Variants in SYK observed in about 807,000 individuals in gnomAD.
SYK encodes tyrosine-protein kinase SYK.
Under a neutral mutation model 77.8 loss-of-function variants are expected in SYK, and 16 were observed. That is an observed-to-expected ratio of 0.21 (90% CI 0.14 to 0.31). SYK has a LOEUF of 0.31. SYK is among the 10% of genes least tolerant of loss of function. The probability of loss-of-function intolerance (pLI) is 1.00; values close to 1 mark genes in which losing one functional copy is unlikely to be tolerated. For synonymous variants in SYK, 312 were observed against 308.7 expected (o/e 1.01, Z -0.11); for missense variants, 529 against 814.4 (o/e 0.65, Z 4.26).
At chr9:90,861,470 G>A (rs896989311) in intron 3 of SYK, among the ~76,000 whole-genome samples, 2 of 152,090 alleles carry the variant, frequency 1.3e-5, no homozygotes, top group African/African-American at 4.8e-5. Flanking sequence ...ATCATCATTT[G>A]AAACTGTTTG....
chr9:90,843,473 T>C (rs1369035902), intron 1 of SYK, among the ~76,000 whole-genome samples: 1 of 152,198 alleles, frequency 6.6e-6, no homozygotes, highest in African/African-American at 2.4e-5. Flanking sequence ...TTTGTTCTCA[T>C]GTAGATTCTG....
At chr9:90,891,295 G>A (rs1418685791) in intron 13 of SYK, among the ~76,000 whole-genome samples, 2 of 151,910 alleles carry the variant, frequency 1.3e-5, no homozygotes, top group Non-Finnish European at 2.9e-5. Flanking sequence ...ACAGGCGCCC[G>A]CCACCACGCC....
chr9:90,864,779 G>T, intron 5 of SYK, 112 bp downstream of exon 5: 2 of 916,028 alleles, frequency 2.2e-6, no homozygotes, highest in South Asian at 2.9e-5. Context: ...CTTTTTACGG[G>T]TTGATTAATA....
At chr9:90,893,316 C>G (rs752901123) in intron 13 of SYK, among the ~76,000 whole-genome samples, 1 of 152,172 alleles carries the variant, frequency 6.6e-6, no homozygotes, top group African/African-American at 2.4e-5. Context: ...AGCACAGAAG[C>G]ACATTGGAGC....
At chr9:90,862,444 T>G (rs1587879050) in intron 4 of SYK, 100 bp downstream of exon 4, 4 of 1,394,182 alleles carry the variant, frequency 2.9e-6, no homozygotes, top group Non-Finnish European at 3.8e-6. Context: ...GACCACCCAC[T>G]GCCCACAGTG....
At position 90,884,518 on chromosome 9, in the gene SYK, CAT is replaced by C. The variant is rs1406295113; in HGVS notation, c.1582-3229_1582-3228del. ...ATATGTGTACATGTACATACATACA[CAT>C]ACACATATGTGTACATGTACATACA... is the stretch of plus-strand genomic sequence containing the variant. On this transcript the variant is annotated intron_variant, in intron 11 of 13. Coordinates refer to ENST00000375754, the MANE Select transcript of SYK (RefSeq NM_003177.7). 3.9e-3 allele frequency among the ~76,000 whole-genome samples: 333 copies of C among 84,714 alleles called. 155 individuals carry two copies. The highest frequency in any genetic ancestry group is 0.012 in the African/African-American group (320 of 26,450). The allele number at this position is 84,714 out of a possible 152,430, so 55.6% of individuals were successfully genotyped here. A position where few individuals can be genotyped will look rare whatever the true frequency, so the allele number is the denominator to read the frequency against.
At chr9:90,830,739 C>T (rs1265051177) in intron 1 of SYK, among the ~76,000 whole-genome samples, 4 of 152,114 alleles carry the variant, frequency 2.6e-5, no homozygotes, top group African/African-American at 9.7e-5. Flanking sequence ...GCGCCCACCA[C>T]CACGCCTGGC....
chr9:90,878,904 G>A lies in SYK; in HGVS notation c.1532G>A (p.Ser511Asn). Residue 511 changes from serine (S) to asparagine (N), a missense_variant, in exon 11 of 14, where the codon AGT (serine) becomes AAT (asparagine). Physicochemically the swap from Ser to Asn is conservative, Grantham distance 46 (BLOSUM62 1). Transcript: ENST00000375754. ...LLVTQHYAKI[S>N]DFGLSKALRA... ...GTTACCCAACATTACGCCAAGATCAGTGATTTCGGACTTTCCAAAGCACTG... is the reference window on the plus strand; with the variant it reads ...GTTACCCAACATTACGCCAAGATCAATGATTTCGGACTTTCCAAAGCACTG... The A allele has an allele frequency of 6.2e-7, 1 of 1,614,192 alleles. No individual in the cohort carries two copies. The highest frequency in any genetic ancestry group is 8.5e-7 in the Non-Finnish European group (1 of 1,180,004).
At chr9:90,829,773 GT>G (rs1825813037) in intron 1 of SYK, among the ~76,000 whole-genome samples, 2 of 152,198 alleles carry the variant, frequency 1.3e-5, no homozygotes, top group East Asian at 3.8e-4. Context: ...TGGGCTGGTT[GT>G]TTATTTATAA....
chr9:90,878,064 A>C (rs529108829), intron 10 of SYK, among the ~76,000 whole-genome samples: 7 of 152,318 alleles, frequency 4.6e-5, no homozygotes, highest in East Asian at 3.9e-4. Context: ...TCAGCCTCAG[A>C]ATATCTTGAC....
chr9:90,867,132 CT>C lies in SYK; in HGVS notation c.850del (p.Trp284GlyfsTer6). ...RPQLPGSHPA[T>X]WSAGGIISRI... ...CCTCTTTGCCGTTGTGGTTTCTAGA[CT>C]TGGTCAGCGGGTGGAATAATCTCAA... is the stretch of plus-strand genomic sequence containing the variant. On this transcript the variant is annotated frameshift_variant and splice_region_variant, in exon 7 of 14. Coordinates refer to ENST00000375754, the MANE Select transcript of SYK (RefSeq NM_003177.7). LOFTEE classifies it high-confidence loss of function. The C allele has an allele frequency of 6.2e-7, 1 of 1,614,136 alleles. No homozygotes were observed. Among genetic ancestry groups the C allele is most frequent in the Non-Finnish European group, 8.5e-7 (1 of 1,180,016 alleles).
rs568227782 is a variant in SYK, at chr9:90,895,443, G to C, written c.1836-85G>C. On this transcript the variant is annotated intron_variant, in intron 13 of 13. Coordinates refer to ENST00000375754, the MANE Select transcript of SYK (RefSeq NM_003177.7). This position sits in a 1 kb window ranked among gnomAD's most constrained non-coding sequence, Gnocchi z 4.4. ...TAGCCACCAGGGAGCAGCACCACTG[G>C]TACTCAGCCTGCAGAGGCCCTGCTT... is the stretch of plus-strand genomic sequence containing the variant. The C allele has an allele frequency of 7.1e-7, 1 of 1,418,048 alleles. No individual in the cohort carries two copies. The highest frequency in any genetic ancestry group is 9.9e-7 in the Non-Finnish European group (1 of 1,011,324). 87.8% of individuals were successfully genotyped at this position (1,418,048 alleles called of 1,614,324 possible). A position where few individuals can be genotyped will look rare whatever the true frequency, so the allele number is the denominator to read the frequency against.
rs1428127083 is a variant in SYK, at chr9:90,884,850, C to T, written c.1582-2899C>T. On this transcript the variant is annotated intron_variant, in intron 11 of 13. Coordinates refer to ENST00000375754, the MANE Select transcript of SYK (RefSeq NM_003177.7). ...ATATGTGTGTATATACATATACACA[C>T]ATATGTGTGTATATACATATATACA... is the stretch of plus-strand genomic sequence containing the variant. 5.2e-5 allele frequency among the ~76,000 whole-genome samples: 4 copies of T among 76,802 alleles called. 1 individual carries two copies. The highest frequency in any genetic ancestry group is 5.1e-4 in the Admixed American group (4 of 7,838). 50.4% of individuals were successfully genotyped at this position (76,802 alleles called of 152,430 possible).
At position 90,897,930 on chromosome 9, in the gene SYK, A is replaced by G; in HGVS notation, c.*2330A>G. On this transcript the variant is annotated 3_prime_UTR_variant, in exon 14 of 14. Transcript: ENST00000375754. ...CAAGGAGGGCAAATAGAGAAAGGTAACCTAATTGAAGGATTGGTCATGTGA... is the reference window on the plus strand; with the variant it reads ...CAAGGAGGGCAAATAGAGAAAGGTAGCCTAATTGAAGGATTGGTCATGTGA... The G allele has an allele frequency of 4.4e-6, 1 of 227,648 alleles. No homozygotes were observed. Among genetic ancestry groups the G allele is most frequent in the Non-Finnish European group, 8.7e-6 (1 of 114,550 alleles). 14.1% of individuals were successfully genotyped at this position (227,648 alleles called of 1,614,324 possible). A position where few individuals can be genotyped will look rare whatever the true frequency, so the allele number is the denominator to read the frequency against.
chr9:90,817,066 T>C (rs2118364479), intron 1 of SYK, among the ~76,000 whole-genome samples: 1 of 152,272 alleles, frequency 6.6e-6, no homozygotes, highest in Middle Eastern at 3.4e-3. Context: ...AGTTTTTTGT[T>C]TTGTTTTGTT....
intron 1 of SYK, among the ~76,000 whole-genome samples, chr9:90,823,188 G>T (rs1213442633): frequency 6.6e-6 from 1 of 152,194 alleles, no homozygotes; most frequent in Non-Finnish European, 1.5e-5. Flanking sequence ...TGGTAAAGGG[G>T]TCGAATATCC....
chr9:90,822,443 G>A (rs1051153988), intron 1 of SYK, among the ~76,000 whole-genome samples: 7 of 152,202 alleles, frequency 4.6e-5, no homozygotes, highest in African/African-American at 1.7e-4. Flanking sequence ...TTTAAACTTA[G>A]TAGCAAGCCC....
At chr9:90,863,170 GA>G (rs1827342788) in intron 4 of SYK, among the ~76,000 whole-genome samples, 1 of 151,956 alleles carries the variant, frequency 6.6e-6, no homozygotes, top group African/African-American at 2.4e-5. Context: ...GATGATGAAG[GA>G]AATAACCGTA....
chr9:90,849,335 A>C (rs1393620364), intron 3 of SYK, among the ~76,000 whole-genome samples: 1 of 152,016 alleles, frequency 6.6e-6, no homozygotes. Flanking sequence ...TGTCCACCCC[A>C]CCCACCGTGC....
Sources: allele counts gnomAD v4.1 joint callset (sites outside exome capture counted in the v4.1 genomes callset), GRCh38; gene constraint gnomAD v4.1.1; non-coding constraint Gnocchi (gnomAD v3.1); transcripts MANE v1.5; gene names NCBI Gene and HGNC (gene_info 2026-07-23, HGNC 2026-07-21).